Variants in FANCD2 observed in about 807,000 individuals in gnomAD.
FANCD2 encodes the protein Fanconi anemia group D2 protein.
Under a neutral mutation model 192.3 loss-of-function variants are expected in FANCD2, and 131 were observed. That is an observed-to-expected ratio of 0.68 (90% CI 0.59 to 0.79). FANCD2 has a LOEUF of 0.79. Ranked by LOEUF, FANCD2 falls within the 30% of genes least tolerant of loss-of-function variation. FANCD2 has a pLI of 0.00. For missense variants in FANCD2, 1,508 were observed against 1,701.6 expected (o/e 0.89, Z 2.00); for synonymous variants, 524 against 612.5 (o/e 0.86, Z 2.13).
intron 29 of FANCD2, among the ~76,000 whole-genome samples, chr3:10,077,102 G>A (rs773365252): frequency 2.0e-4 from 30 of 151,928 alleles, no homozygotes; most frequent in African/African-American, 4.8e-4. Flanking sequence ...GCATGGTGAC[G>A]CACACCTGTG....
chr3:10,027,904 C>CAAA (rs145483323), intron 1 of FANCD2, among the ~76,000 whole-genome samples: 10 of 66,516 alleles, frequency 1.5e-4, no homozygotes, highest in African/African-American at 4.7e-4. Context: ...GACTCCGTCT[C>CAAA]AAAAAAAAAA....
At chr3:10,060,432 T>C in intron 19 of FANCD2, 29 bp downstream of exon 19, 1 of 1,533,320 alleles carries the variant, frequency 6.5e-7, no homozygotes, top group Non-Finnish European at 9.0e-7. Flanking sequence ...ACTTCTGTGG[T>C]TTAAGATCAG....
In FANCD2 at chr3:10,036,327, AT is replaced by A; in HGVS notation, c.486del (p.Phe162LeufsTer19). ...ACCTTATTTGAGAAGTTGCCAGAAT[AT>A]TTTTTTGAAAAGTAAGTGGCGTTAT... is the stretch of plus-strand genomic sequence containing the variant. ...IKTLFEKLPEYFFENKNSDEI... is the reference protein window; with the variant it reads ...IKTLFEKLPEXFFENKNSDEI... On this transcript the variant is annotated frameshift_variant, in exon 7 of 44. Transcript: ENST00000675286. LOFTEE classifies it high-confidence loss of function. 6.2e-7 allele frequency: 1 copy of A among 1,612,614 alleles called. No homozygotes were observed.
chr3:10,064,207 C>G lies in FANCD2; in HGVS notation c.1948-149C>G, dbSNP rs544598972. The G allele has an allele frequency of 1.9e-5, 15 of 808,012 alleles. No individual in the cohort carries two copies. The African/African-American group carries it at 2.4e-4, about 13-fold the overall frequency. 50.1% of individuals were successfully genotyped at this position (808,012 alleles called of 1,614,324 possible). A position where few individuals can be genotyped will look rare whatever the true frequency, so the allele number is the denominator to read the frequency against. On this transcript the variant is annotated intron_variant, in intron 21 of 43. Transcript: ENST00000675286. ...GCTAAGTGCTTTTTATGCACTCTCTCTTTTCTACTTCACAATAGTGAGATA... is the reference window on the plus strand; with the variant it reads ...GCTAAGTGCTTTTTATGCACTCTCTGTTTTCTACTTCACAATAGTGAGATA...
chr3:10,075,269 T>G (rs1342546803), intron 29 of FANCD2, among the ~76,000 whole-genome samples: 2 of 151,982 alleles, frequency 1.3e-5, no homozygotes, highest in Non-Finnish European at 2.9e-5. Flanking sequence ...CTGCAAGCTC[T>G]GCCTCCCGGG....
At position 10,029,057 on chromosome 3, in the gene FANCD2, T is replaced by A. The variant is rs2086527039; in HGVS notation, c.64+336T>A. 2.6e-5 allele frequency among the ~76,000 whole-genome samples: 4 copies of A among 152,088 alleles called. No homozygotes were observed. In the South Asian group the frequency reaches 8.3e-4, roughly 32 times the overall value. On this transcript the variant is annotated intron_variant, in intron 2 of 43. Coordinates refer to ENST00000675286, the MANE Select transcript of FANCD2 (RefSeq NM_001018115.3). ...AAACTTTATGGTCTTTCTTCCTCTC[T>A]TGGAAAAAAAATATTATGATCTAGA...
At chr3:10,081,028 T>TTGA (rs1693803983) in intron 30 of FANCD2, 72 bp from the exon 31 acceptor site, 17 of 1,573,386 alleles carry the variant, frequency 1.1e-5, no homozygotes, top group Non-Finnish European at 1.5e-5. Flanking sequence ...TTGACTTGAC[T>TTGA]CCATTGCGAA....
chr3:10,084,712 A>C (rs1314362557), intron 32 of FANCD2, among the ~76,000 whole-genome samples: 1 of 152,226 alleles, frequency 6.6e-6, no homozygotes, highest in Non-Finnish European at 1.5e-5. Flanking sequence ...CATTTGTTGA[A>C]AGGAAGAATG....
intron 3 of FANCD2, 59 bp downstream of exon 3, chr3:10,033,031 A>G: frequency 1.5e-6 from 2 of 1,319,960 alleles, no homozygotes; most frequent in Non-Finnish European, 2.2e-6. Flanking sequence ...GGACTGAATC[A>G]TGGGTTTTCT....
chr3:10,053,269 A>G (rs1262112086), intron 18 of FANCD2, among the ~76,000 whole-genome samples: 2 of 151,570 alleles, frequency 1.3e-5, no homozygotes, highest in Admixed American at 6.6e-5. Context: ...TCAGTAAACT[A>G]TCGCAAGAAC....
chr3:10,086,370 C>T (rs1210226918), intron 33 of FANCD2, among the ~76,000 whole-genome samples: 5 of 152,160 alleles, frequency 3.3e-5, no homozygotes, highest in South Asian at 2.1e-4. Context: ...GCATGGCTTT[C>T]GGCCCCCTCC....
rs1247102275 is a variant in FANCD2, at chr3:10,051,413, AGGAG to A, written c.1546-973_1546-970del. 1.4e-4 allele frequency among the ~76,000 whole-genome samples: 5 copies of A among 36,358 alleles called. 1 individual carries two copies. The highest frequency in any genetic ancestry group is 3.3e-4 in the Admixed American group (1 of 3,054). The allele number at this position is 36,358 out of a possible 152,430, so 23.9% of individuals were successfully genotyped here. On this transcript the variant is annotated intron_variant, in intron 17 of 43. Transcript: ENST00000675286. ...AAAAAAAAAAAAAAAAAAAACAAAA[AGGAG>A]TGAGGGATTTATCTCCCAGTGTTGG...
At chr3:10,036,421 G>C in intron 7 of FANCD2, 82 bp downstream of exon 7, 1 of 1,075,846 alleles carries the variant, frequency 9.3e-7, no homozygotes, top group Non-Finnish European at 1.4e-6. Context: ...AAAACTATTG[G>C]TTTCTCTGAA....
chr3:10,046,574 C>T lies in FANCD2; in HGVS notation c.1135-6C>T, dbSNP rs2087017963. ...TTTTCTGTTGTTGCATATTTATTGA[C>T]AATAGGTGTTTGACCTGGTGATGCT... On this transcript the variant is annotated splice_region_variant and splice_polypyrimidine_tract_variant and intron_variant, in intron 14 of 43. Coordinates refer to ENST00000675286, the MANE Select transcript of FANCD2 (RefSeq NM_001018115.3). 6.2e-7 allele frequency: 1 copy of T among 1,614,176 alleles called. No homozygotes were observed. The highest frequency in any genetic ancestry group is 8.5e-7 in the Non-Finnish European group (1 of 1,179,984).
intron 18 of FANCD2, among the ~76,000 whole-genome samples, chr3:10,056,319 T>C (rs2087411164): frequency 6.6e-6 from 1 of 152,134 alleles, no homozygotes; most frequent in Non-Finnish European, 1.5e-5. Flanking sequence ...TGTTTTCAGT[T>C]TTTTAGGGTG....
At chr3:10,036,829 C>A (rs927646884) in intron 7 of FANCD2, among the ~76,000 whole-genome samples, 1 of 151,978 alleles carries the variant, frequency 6.6e-6, no homozygotes, top group Non-Finnish European at 1.5e-5. Context: ...CTTTTCTTTA[C>A]CTTTTAAATT....
chr3:10,094,148 A>G (rs974434843), intron 39 of FANCD2, 141 bp from the exon 40 acceptor site: 4 of 688,498 alleles, frequency 5.8e-6, no homozygotes, highest in Non-Finnish European at 1.0e-5. Flanking sequence ...CTCCAAATAA[A>G]CCTTTTGGAC....
chr3:10,038,761 A>G (rs2124983118), intron 7 of FANCD2, among the ~76,000 whole-genome samples: 1 of 151,858 alleles, frequency 6.6e-6, no homozygotes, highest in African/African-American at 2.4e-5. Flanking sequence ...TTGTATTTTT[A>G]GTAGAGATGG....
At chr3:10,078,263 G>T in intron 30 of FANCD2, 66 bp downstream of exon 30, 1 of 1,086,832 alleles carries the variant, frequency 9.2e-7, no homozygotes, top group Non-Finnish European at 1.4e-6. Context: ...GTATTATGAT[G>T]AAAAAGTTGT....
Sources: allele counts gnomAD v4.1 joint callset (sites outside exome capture counted in the v4.1 genomes callset), GRCh38; gene constraint gnomAD v4.1.1; transcripts MANE v1.5; gene names NCBI Gene and HGNC (gene_info 2026-07-23, HGNC 2026-07-21).